The following SPATA3 variants were observed in gnomAD, a reference collection of about 807,000 sequenced individuals.
The protein encoded by SPATA3 is spermatogenesis associated 3.
A neutral mutation model predicts 5.7 loss-of-function variants in SPATA3; 6 were observed. That is an observed-to-expected ratio of 1.06 (90% CI 0.58 to 2.09). SPATA3 has a LOEUF of 2.09. Among genes scored for constraint, SPATA3 ranks in the 30% most tolerant of loss-of-function variants. The pLI is 0.00. For synonymous variants in SPATA3, 44 were observed against 48.4 expected, an observed-to-expected ratio of 0.91 and a Z score of 0.37; for missense variants, 155 against 130.4, an observed-to-expected ratio of 1.19 and a Z score of -0.92.
At chr2:231,002,081 T>C (rs778861159) in intron 2 of SPATA3, among the ~76,000 whole-genome samples, 30 of 152,236 alleles carry the variant, frequency 2.0e-4, no homozygotes, top group Admixed American at 9.2e-4. Flanking sequence ...GCAAGACATG[T>C]AGTTTTAATT....
At chr2:231,003,956 T>C (rs1692445870), downstream of SPATA3, 1 of 152,178 alleles carries the variant, frequency 6.6e-6, no homozygotes, top group Non-Finnish European at 1.5e-5. Flanking sequence ...CCCCTTGCCA[T>C]GTCCACACTT....
At chr2:231,000,283 C>G in intron 1 of SPATA3, 83 bp from the exon 2 acceptor site, 1 of 1,269,630 alleles carries the variant, frequency 7.9e-7, no homozygotes, top group Non-Finnish European at 1.0e-6. Context: ...TGTGGGGGGC[C>G]TTCTCAGACT....
downstream of SPATA3, among the ~76,000 whole-genome samples, chr2:231,005,523 C>CCACCACCACCAT (rs1692581638): frequency 3.6e-3 from 2 of 550 alleles, no homozygotes; most frequent in African/African-American, 7.5e-3. Context: ...ACCATCACCA[C>CCACCACCACCAT]CACCACCATC....
At chr2:231,008,223 G>A (rs1408274263), downstream of SPATA3, among the ~76,000 whole-genome samples, 1 of 152,188 alleles carries the variant, frequency 6.6e-6, no homozygotes, top group African/African-American at 2.4e-5. Flanking sequence ...GAAAGGCTGC[G>A]AGGAGGGAGG....
chr2:231,014,884 C>T (rs1383383384), intron 6 of SPATA3, among the ~76,000 whole-genome samples: 5 of 152,136 alleles, frequency 3.3e-5, no homozygotes, highest in East Asian at 1.9e-4. Flanking sequence ...TTTTGTAGGT[C>T]GGGTGTTAAG....
intron 6 of SPATA3, among the ~76,000 whole-genome samples, chr2:231,015,622 C>T (rs1381509337): frequency 2.0e-5 from 3 of 152,216 alleles, no homozygotes; most frequent in Non-Finnish European, 4.4e-5. Context: ...AAAGCAGCTC[C>T]CTGGAAACCT....
intron 6 of SPATA3, among the ~76,000 whole-genome samples, chr2:231,016,762 G>A (rs1416299419): frequency 4.6e-5 from 7 of 152,094 alleles, no homozygotes; most frequent in Non-Finnish European, 1.5e-5. Context: ...CTTCTAGGGG[G>A]CCCCTCCCAC....
chr2:231,019,103 A>T lies in SPATA3; in HGVS notation c.*566-617A>T, dbSNP rs796558079. On this transcript the variant is annotated intron_variant, in intron 6 of 8. Coordinates refer to the SPATA3 transcript ENST00000452881. ...TGCCTCAGCCCCCTGAGTAGCTGCGACTACAGGCGCCCGCCACAACGCTTG... is the reference window on the plus strand; with the variant it reads ...TGCCTCAGCCCCCTGAGTAGCTGCGTCTACAGGCGCCCGCCACAACGCTTG... 1.1e-3 allele frequency among the ~76,000 whole-genome samples: 168 copies of T among 147,476 alleles called. 1 individual carries two copies. The highest frequency in any genetic ancestry group is 3.9e-3 in the African/African-American group (156 of 39,816).
At chr2:231,017,786 A>G (rs1692969909) in intron 6 of SPATA3, among the ~76,000 whole-genome samples, 1 of 152,194 alleles carries the variant, frequency 6.6e-6, no homozygotes, top group South Asian at 2.1e-4. Flanking sequence ...GGAGTTTTGA[A>G]TCTGTAGTAG....
downstream of SPATA3, chr2:231,006,879 G>A (rs1692646521): frequency 6.6e-6 from 1 of 152,194 alleles, no homozygotes; most frequent in Non-Finnish European, 1.5e-5. Flanking sequence ...GCCATTTTGG[G>A]CGTTGAATGT....
chr2:230,996,271 G>A (rs1054695284), intron 1 of SPATA3: 5 of 1,515,464 alleles, frequency 3.3e-6, no homozygotes, highest in South Asian at 1.2e-5. Context: ...GAGGCCAGAC[G>A]CCACCGAGAC....
downstream of SPATA3, among the ~76,000 whole-genome samples, chr2:231,007,953 T>C (rs1237174203): frequency 6.6e-6 from 1 of 152,102 alleles, no homozygotes; most frequent in Non-Finnish European, 1.5e-5. Context: ...AAGGCTGCAG[T>C]GAGCTATGAT....
downstream of SPATA3, among the ~76,000 whole-genome samples, chr2:231,005,517 TCACCACCACCAC>T (rs1433132072): frequency 5.6e-4 from 4 of 7,094 alleles, no homozygotes; most frequent in African/African-American, 6.9e-4. Flanking sequence ...ACCACCACCA[TCACCACCACCAC>T]CATCATCACC....
At chr2:230,997,492 C>G (rs995029014) in intron 1 of SPATA3, among the ~76,000 whole-genome samples, 1 of 152,218 alleles carries the variant, frequency 6.6e-6, no homozygotes, top group Non-Finnish European at 1.5e-5. Context: ...ACAAGACTCT[C>G]AGTTAAATTT....
chr2:231,019,124 G>A (rs1028763223), intron 6 of SPATA3, among the ~76,000 whole-genome samples: 5 of 115,432 alleles, frequency 4.3e-5, no homozygotes, highest in Admixed American at 2.6e-4. Context: ...CCGCCACAAC[G>A]CTTGGCTAAT....
intron 6 of SPATA3, among the ~76,000 whole-genome samples, chr2:231,018,188 G>C (rs1692979834): frequency 6.6e-6 from 1 of 152,012 alleles, no homozygotes; most frequent in Admixed American, 6.6e-5. Context: ...GCCTCCCAAA[G>C]TGCTGGGACA....
chr2:231,016,190 A>G (rs1692930084), intron 6 of SPATA3, among the ~76,000 whole-genome samples: 1 of 152,144 alleles, frequency 6.6e-6, no homozygotes, highest in Non-Finnish European at 1.5e-5. Context: ...AAATCTAATG[A>G]GCCAGACAAG....
chr2:231,000,319 C>T (rs774899817), intron 1 of SPATA3, 47 bp from the exon 2 acceptor site: 7 of 1,398,428 alleles, frequency 5.0e-6, no homozygotes, highest in Non-Finnish European at 6.6e-6. Context: ...CCGCCCCAGC[C>T]TCCCAGGGCA....
At chr2:231,004,920 C>G (rs544260316), downstream of SPATA3, among the ~76,000 whole-genome samples, 1 of 151,762 alleles carries the variant, frequency 6.6e-6, no homozygotes, top group South Asian at 2.1e-4. Context: ...TACATCACCA[C>G]TACTACCACC....
Sources: allele counts gnomAD v4.1 joint callset (sites outside exome capture counted in the v4.1 genomes callset), GRCh38; gene constraint gnomAD v4.1.1; transcripts MANE v1.5; gene names NCBI Gene and HGNC (gene_info 2026-07-23, HGNC 2026-07-21).